SGCZ: variants seen among roughly 807,000 people sequenced by gnomAD.
SGCZ encodes sarcoglycan zeta.
Under a neutral mutation model 41.3 loss-of-function variants are expected in SGCZ, and 40 were observed. That is an observed-to-expected ratio of 0.97 (90% CI 0.75 to 1.26). SGCZ has a LOEUF of 1.26. Among genes scored for constraint, SGCZ ranks in the 50% most tolerant of loss-of-function variants. The pLI, the probability that SGCZ is intolerant of heterozygous loss-of-function variation, is 0.00. For synonymous variants in SGCZ, 206 were observed against 137.5 expected (o/e 1.50, Z -3.49); for missense variants, 552 against 369.8 (o/e 1.49, Z -4.04).
intron 5 of SGCZ, among the ~76,000 whole-genome samples, chr8:14,129,191 CA>C (rs112090289): frequency 6.6e-6 from 1 of 150,586 alleles, no homozygotes; most frequent in East Asian, 2.0e-4. Flanking sequence ...ACTAAAAATA[CA>C]AAAAAAAGCT....
chr8:15,213,707 T>C (rs917584591), intron 1 of SGCZ, among the ~76,000 whole-genome samples: 3 of 151,766 alleles, frequency 2.0e-5, no homozygotes, highest in African/African-American at 7.2e-5. Context: ...AGCAAAAAAG[T>C]GAAAAGATAT....
At chr8:14,431,512 C>T (rs776706559) in intron 2 of SGCZ, among the ~76,000 whole-genome samples, 9 of 152,148 alleles carry the variant, frequency 5.9e-5, no homozygotes, top group Admixed American at 1.3e-4. Context: ...ACTGGATCTT[C>T]ACCTCTCACC....
intron 1 of SGCZ, among the ~76,000 whole-genome samples, chr8:15,196,176 C>G (rs928205593): frequency 7.5e-6 from 1 of 134,042 alleles, no homozygotes; most frequent in Admixed American, 7.4e-5. Flanking sequence ...GGATTACAGG[C>G]GTGAGCCACC....
At chr8:14,290,841 A>G (rs1347356205) in intron 3 of SGCZ, among the ~76,000 whole-genome samples, 1 of 152,144 alleles carries the variant, frequency 6.6e-6, no homozygotes, top group Non-Finnish European at 1.5e-5. Flanking sequence ...ACTACTGCAT[A>G]TATTTTCAAA....
intron 1 of SGCZ, among the ~76,000 whole-genome samples, chr8:14,601,798 T>G (rs776493221): frequency 6.6e-6 from 1 of 152,218 alleles, no homozygotes; most frequent in Non-Finnish European, 1.5e-5. Context: ...AGAATATTTA[T>G]GTACATCCCT....
intron 1 of SGCZ, among the ~76,000 whole-genome samples, chr8:14,758,682 T>G (rs1337914609): frequency 1.3e-5 from 2 of 152,176 alleles, no homozygotes; most frequent in African/African-American, 4.8e-5. Flanking sequence ...TAAAGCGAAA[T>G]TATTTACCAT....
At chr8:14,352,413 A>C (rs990143533) in intron 2 of SGCZ, among the ~76,000 whole-genome samples, 4 of 150,262 alleles carry the variant, frequency 2.7e-5, no homozygotes, top group Non-Finnish European at 2.9e-5. Context: ...ATGTGTAAAG[A>C]AAGGGAAGAA....
intron 1 of SGCZ, among the ~76,000 whole-genome samples, chr8:14,838,257 A>T (rs1363827893): frequency 1.3e-5 from 2 of 152,120 alleles, no homozygotes; most frequent in Admixed American, 1.3e-4. Context: ...GTAGTAGCAC[A>T]ATAGGATGAC....
chr8:15,117,696 A>T (rs1807324438), intron 1 of SGCZ, among the ~76,000 whole-genome samples: 1 of 152,344 alleles, frequency 6.6e-6, no homozygotes, highest in African/African-American at 2.4e-5. Context: ...AATTTAAATT[A>T]TTATTATTTT....
chr8:14,776,157 A>G (rs748633726), intron 1 of SGCZ, among the ~76,000 whole-genome samples: 4 of 152,198 alleles, frequency 2.6e-5, no homozygotes, highest in Non-Finnish European at 5.9e-5. Flanking sequence ...AGCGTATTTT[A>G]TATTTTTAAG....
At chr8:14,236,808 C>G (rs903973294) in intron 4 of SGCZ, among the ~76,000 whole-genome samples, 1 of 151,506 alleles carries the variant, frequency 6.6e-6, no homozygotes, top group Non-Finnish European at 1.5e-5. Context: ...TTACAAATTA[C>G]TTCTTATTTG....
chr8:15,132,798 C>G (rs931050491), intron 1 of SGCZ, among the ~76,000 whole-genome samples: 3 of 152,132 alleles, frequency 2.0e-5, no homozygotes, highest in Admixed American at 6.6e-5. Context: ...CATTTGAGAG[C>G]CTGTTCACCA....
intron 1 of SGCZ, among the ~76,000 whole-genome samples, chr8:14,839,448 G>T (rs747408011): frequency 1.3e-5 from 2 of 152,142 alleles, no homozygotes; most frequent in African/African-American, 4.8e-5. Context: ...TTGGATTTAT[G>T]TCTGGAGTTC....
chr8:15,110,401 C>T (rs1209992628), intron 1 of SGCZ, among the ~76,000 whole-genome samples: 1 of 152,164 alleles, frequency 6.6e-6, no homozygotes, highest in Non-Finnish European at 1.5e-5. Context: ...CTATAAGATC[C>T]ATGGATAGGC....
chr8:14,662,869 G>C (rs1425996243), intron 1 of SGCZ, among the ~76,000 whole-genome samples: 2 of 152,086 alleles, frequency 1.3e-5, no homozygotes, highest in Non-Finnish European at 2.9e-5. Context: ...TCCAGAGTTT[G>C]AAGGTGGAGG....
intron 2 of SGCZ, among the ~76,000 whole-genome samples, chr8:14,516,374 A>G (rs1392356215): frequency 6.6e-6 from 1 of 151,904 alleles, no homozygotes; most frequent in Non-Finnish European, 1.5e-5. Flanking sequence ...TTTAGCTTTC[A>G]CTTACAAGGG....
At chr8:15,082,874 G>A (rs1222895561) in intron 1 of SGCZ, among the ~76,000 whole-genome samples, 2 of 151,996 alleles carry the variant, frequency 1.3e-5, no homozygotes, top group African/African-American at 2.4e-5. Flanking sequence ...GGCTGACTTC[G>A]AAGACTGTTT....
At chr8:15,169,356 G>A (rs1185285385) in intron 1 of SGCZ, among the ~76,000 whole-genome samples, 1 of 152,190 alleles carries the variant, frequency 6.6e-6, no homozygotes, top group Non-Finnish European at 1.5e-5. Flanking sequence ...TTTGCAGGGG[G>A]AGGAGCCTGC....
chr8:15,119,840 C>T (rs1807411712), intron 1 of SGCZ, among the ~76,000 whole-genome samples: 1 of 152,248 alleles, frequency 6.6e-6, no homozygotes, highest in African/African-American at 2.4e-5. Flanking sequence ...GAGACAGTCT[C>T]GCTCTGTTGA....
Sources: gnomAD v4.1 joint callset for allele counts (sites outside exome capture counted in the v4.1 genomes callset) on GRCh38, gnomAD v4.1.1 for gene constraint, MANE v1.5 for transcripts, NCBI Gene and HGNC (gene_info 2026-07-23, HGNC 2026-07-21) for gene names.